Variants in FGF12 observed in about 807,000 individuals in gnomAD.
FGF12 encodes fibroblast growth factor 12B.
In FGF12, 14 loss-of-function variants were observed where a neutral mutation model predicts 23.6. The observed-to-expected ratio is 0.59, with a 90% CI of 0.39 to 0.93. FGF12 has a LOEUF of 0.93. Among genes scored for constraint, FGF12 ranks in the 40% least tolerant of loss-of-function variants. The probability of loss-of-function intolerance (pLI) is 0.00; values close to 1 mark genes in which losing one functional copy is unlikely to be tolerated. For missense variants in FGF12, 175 were observed against 217.8 expected (o/e 0.80, Z 1.24); for synonymous variants, 62 against 77.3 (o/e 0.80, Z 1.04).
At chr3:192,618,553 T>C (rs895636566) in intron 2 of FGF12, among the ~76,000 whole-genome samples, 2 of 152,164 alleles carry the variant, frequency 1.3e-5, no homozygotes, top group Non-Finnish European at 2.9e-5. Flanking sequence ...ATATCAATAA[T>C]AAATTTGACC....
intron 2 of FGF12, among the ~76,000 whole-genome samples, chr3:192,528,464 G>A (rs1164907447): frequency 6.6e-6 from 1 of 152,102 alleles, no homozygotes; most frequent in Non-Finnish European, 1.5e-5. Flanking sequence ...TTCATGGGCT[G>A]GTGTTGTGTG....
intron 4 of FGF12, among the ~76,000 whole-genome samples, chr3:192,313,727 T>A (rs1359807663): frequency 1.3e-5 from 2 of 152,200 alleles, no homozygotes; most frequent in Admixed American, 1.3e-4. Context: ...AAAGATAATA[T>A]GCAATCTAAT....
intron 2 of FGF12, among the ~76,000 whole-genome samples, chr3:192,486,704 G>A (rs1197700700): frequency 1.9e-4 from 29 of 152,020 alleles, no homozygotes; most frequent in Admixed American, 1.9e-3. Context: ...AGTGGAATGG[G>A]AAGACATTGA....
At chr3:192,293,950 C>G (rs1045003455) in intron 4 of FGF12, among the ~76,000 whole-genome samples, 1 of 152,172 alleles carries the variant, frequency 6.6e-6, no homozygotes, top group Non-Finnish European at 1.5e-5. Flanking sequence ...CAAATCTCAT[C>G]TTGAATTGTA....
intron 4 of FGF12, among the ~76,000 whole-genome samples, chr3:192,273,319 T>A (rs1240800472): frequency 6.6e-6 from 1 of 152,042 alleles, no homozygotes; most frequent in African/African-American, 2.4e-5. Context: ...AAAGGGAAAA[T>A]ATATACAATA....
In FGF12 at chr3:192,694,155, A is replaced by G. The variant is rs556263828; in HGVS notation, c.13+33026T>C. Among the ~76,000 whole-genome samples the G allele has an allele frequency of 1.4e-4, 22 of 152,308 alleles. No individual in the cohort carries two copies. The South Asian group carries it at 4.3e-3, about 30-fold the overall frequency. On this transcript the variant is annotated intron_variant, in intron 2 of 5. Coordinates refer to ENST00000445105, the MANE Select transcript of FGF12 (RefSeq NM_004113.6). ...AAAACAGGTATGTGAAAAGGTGCTC[A>G]ACGTCATTACGATATGCAAATCAAA...
chr3:192,413,458 G>A (rs748305740), intron 2 of FGF12, among the ~76,000 whole-genome samples: 3 of 152,060 alleles, frequency 2.0e-5, no homozygotes, highest in Non-Finnish European at 4.4e-5. Context: ...TACCTAACTA[G>A]GCTCTTGAAA....
chr3:192,492,881 G>A (rs1246326373), intron 2 of FGF12, among the ~76,000 whole-genome samples: 1 of 151,274 alleles, frequency 6.6e-6, no homozygotes, highest in African/African-American at 2.4e-5. Flanking sequence ...CAGGATGGTA[G>A]AGATAAGAAG....
intron 2 of FGF12, among the ~76,000 whole-genome samples, chr3:192,644,332 G>C (rs1715919274): frequency 6.6e-6 from 1 of 152,036 alleles, no homozygotes; most frequent in Non-Finnish European, 1.5e-5. Context: ...GCAAGTTGAG[G>C]GGAAGCAAAG....
rs987052248 is a variant in FGF12 at position 192,378,079 on chromosome 3, TTTCTTTCTTTCTTTC to T, written c.14-17556_14-17542del. Among the ~76,000 whole-genome samples the T allele has an allele frequency of 4.2e-5, 5 of 119,142 alleles. 1 individual carries two copies. The highest frequency in any genetic ancestry group is 2.6e-4 in the East Asian group (1 of 3,802). The allele number at this position is 119,142 out of a possible 152,430, so 78.2% of individuals were successfully genotyped here. A position where few individuals can be genotyped will look rare whatever the true frequency, so the allele number is the denominator to read the frequency against. On this transcript the variant is annotated intron_variant, in intron 2 of 5. Transcript: ENST00000445105. Reference sequence around the variant, plus strand: ...CTTTCTTTCTTTCTTTCTTTCTTTCTTTCTTTCTTTCTTTCTTCTTTCTTTCCTTCTTTCTCTCTT... The same window carrying T: ...CTTTCTTTCTTTCTTTCTTTCTTTCTTTCTTTCTTTCCTTCTTTCTCTCTT...
At position 192,186,881 on chromosome 3, in the gene FGF12, T is replaced by A. The variant is rs112154714; in HGVS notation, c.229-16225A>T. On this transcript the variant is annotated intron_variant, in intron 4 of 5. Transcript: ENST00000445105. ...TTCCCCCTGAAATGTACCAACACAC[T>A]CAAACATAGTCTGCTCTTTTCAGAT... Among the ~76,000 whole-genome samples, 379 of 152,332 alleles carry A rather than the reference T, an allele frequency of 2.5e-3. 1 individual carries two copies. Among genetic ancestry groups the A allele is most frequent in the African/African-American group, 8.8e-3 (365 of 41,584 alleles).
chr3:192,210,751 A>G (rs1176528516), intron 4 of FGF12, among the ~76,000 whole-genome samples: 2 of 152,234 alleles, frequency 1.3e-5, no homozygotes, highest in Non-Finnish European at 2.9e-5. Flanking sequence ...GAAGAGAGAG[A>G]CAGTCATGTA....
intron 2 of FGF12, among the ~76,000 whole-genome samples, chr3:192,405,700 C>T (rs1487934516): frequency 6.6e-6 from 1 of 152,186 alleles, no homozygotes; most frequent in Non-Finnish European, 1.5e-5. Flanking sequence ...CCTCCCAATC[C>T]AACTAAAGAT....
At chr3:192,286,057 C>T (rs1271501203) in intron 4 of FGF12, among the ~76,000 whole-genome samples, 3 of 151,984 alleles carry the variant, frequency 2.0e-5, no homozygotes, top group Non-Finnish European at 4.4e-5. Flanking sequence ...GCCAGTCATT[C>T]ATTCATGTGA....
At chr3:192,223,896 T>G (rs946174558) in intron 4 of FGF12, among the ~76,000 whole-genome samples, 6 of 152,104 alleles carry the variant, frequency 3.9e-5, no homozygotes, top group African/African-American at 1.4e-4. Context: ...TCCTGCCTAA[T>G]GTAATAAATT....
intron 2 of FGF12, among the ~76,000 whole-genome samples, chr3:192,443,812 C>G (rs775942678): frequency 6.6e-6 from 1 of 152,144 alleles, no homozygotes; most frequent in African/African-American, 2.4e-5. Context: ...CCATCATGGT[C>G]AAGTTCTGCT....
intron 2 of FGF12, among the ~76,000 whole-genome samples, chr3:192,506,787 G>A (rs1001513298): frequency 2.0e-5 from 3 of 152,108 alleles, no homozygotes; most frequent in Non-Finnish European, 2.9e-5. Context: ...TCTAACAGCC[G>A]TATGATCTCC....
intron 2 of FGF12, among the ~76,000 whole-genome samples, chr3:192,465,525 T>C (rs1031131810): frequency 2.6e-5 from 4 of 152,194 alleles, no homozygotes; most frequent in Admixed American, 6.5e-5. Flanking sequence ...TCTTGAAAGG[T>C]TGGCCCTGGG....
intron 2 of FGF12, among the ~76,000 whole-genome samples, chr3:192,380,838 G>A (rs1003217515): frequency 8.6e-5 from 13 of 151,812 alleles, no homozygotes; most frequent in African/African-American, 2.7e-4. Context: ...CAAACCCCAC[G>A]TAAGTATTTT....
Sources: gnomAD v4.1 joint callset for allele counts (sites outside exome capture counted in the v4.1 genomes callset) on GRCh38, gnomAD v4.1.1 for gene constraint, MANE v1.5 for transcripts, NCBI Gene and HGNC (gene_info 2026-07-23, HGNC 2026-07-21) for gene names.